Variants in PTPN4 observed in about 807,000 individuals in gnomAD.
PTPN4 encodes protein tyrosine phosphatase non-receptor type 4, also known as tyrosine-protein phosphatase non-receptor type 4.
A neutral mutation model predicts 135.5 loss-of-function variants in PTPN4; 49 were observed. The ratio of observed to expected loss-of-function variants is 0.36; its 90% CI spans 0.29 to 0.46. The LOEUF is 0.46. Among genes scored for constraint, PTPN4 ranks in the 20% least tolerant of loss-of-function variants. PTPN4 has a pLI of 1.00. For missense variants in PTPN4, 860 were observed against 1,101.0 expected (o/e 0.78, Z 3.10); for synonymous variants, 333 against 369.9 (o/e 0.90, Z 1.14).
chr2:119,821,033 T>A (rs1484207225), intron 2 of PTPN4, among the ~76,000 whole-genome samples: 1 of 151,842 alleles, frequency 6.6e-6, no homozygotes, highest in East Asian at 1.9e-4. Flanking sequence ...CTCTTAAATA[T>A]TATTCCTAGT....
chr2:119,896,077 C>A (rs899407988), intron 9 of PTPN4, among the ~76,000 whole-genome samples: 1 of 152,128 alleles, frequency 6.6e-6, no homozygotes, highest in Non-Finnish European at 1.5e-5. Context: ...AAATAAAACA[C>A]AGACAGGTAT....
intron 9 of PTPN4, among the ~76,000 whole-genome samples, chr2:119,892,601 T>C (rs13416801): frequency 6.6e-6 from 1 of 152,144 alleles, no homozygotes; most frequent in African/African-American, 2.4e-5. Context: ...ATAGTGTATA[T>C]AGCAGTTCAA....
intron 26 of PTPN4, 133 bp downstream of exon 26, chr2:119,968,105 C>T: frequency 4.0e-6 from 3 of 746,406 alleles, no homozygotes; most frequent in Non-Finnish European, 5.9e-6. Context: ...ACCTCTAGCA[C>T]AGGGGTAAGC....
chr2:119,958,899 A>G (rs1309474043), intron 22 of PTPN4, among the ~76,000 whole-genome samples: 1 of 152,210 alleles, frequency 6.6e-6, no homozygotes, highest in Non-Finnish European at 1.5e-5. Context: ...AACACTAGTC[A>G]GCACTTTAAA....
intron 2 of PTPN4, among the ~76,000 whole-genome samples, chr2:119,849,754 CA>C (rs1435906029): frequency 6.6e-6 from 1 of 152,218 alleles, no homozygotes; most frequent in Non-Finnish European, 1.5e-5. Context: ...CAGCATTAGG[CA>C]TTCTCACAGT....
At chr2:119,881,931 TAAG>T (rs1026078059) in intron 6 of PTPN4, 101 bp downstream of exon 6, 29 of 1,095,682 alleles carry the variant, frequency 2.6e-5, no homozygotes, top group African/African-American at 1.6e-4. Context: ...ACAAATTATT[TAAG>T]AAGGTTACAT....
intron 2 of PTPN4, among the ~76,000 whole-genome samples, chr2:119,818,808 A>G (rs538856038): frequency 1.0e-3 from 159 of 152,192 alleles, no homozygotes; most frequent in Admixed American, 2.4e-3. Flanking sequence ...GGTCTGTTTC[A>G]CCTTTGTTCT....
At chr2:119,953,554 G>A (rs1408734468) in intron 19 of PTPN4, among the ~76,000 whole-genome samples, 2 of 152,010 alleles carry the variant, frequency 1.3e-5, no homozygotes, top group African/African-American at 4.8e-5. Context: ...TGAGTCATTA[G>A]GTGTTTTCTG....
intron 2 of PTPN4, among the ~76,000 whole-genome samples, chr2:119,844,392 C>T (rs1439123994): frequency 2.0e-5 from 3 of 146,420 alleles, no homozygotes; most frequent in Admixed American, 1.3e-4. Flanking sequence ...GGCTGCCGGG[C>T]GGAGACACTC....
At chr2:119,775,649 A>G (rs1009180116) in intron 1 of PTPN4, among the ~76,000 whole-genome samples, 8 of 152,174 alleles carry the variant, frequency 5.3e-5, no homozygotes, top group African/African-American at 9.7e-5. Context: ...GGATTACAGT[A>G]TTGAAGATGC....
chr2:119,765,934 G>GTGTGTGTGTGTGTGTGAAATAT (rs1553430618), intron 1 of PTPN4, among the ~76,000 whole-genome samples: 1 of 74,054 alleles, frequency 1.4e-5, no homozygotes, highest in South Asian at 5.1e-4. Context: ...GTGTGTGTGT[G>GTGTGTGTGTGTGTGTGAAATAT]CGCGCGCGCA....
At chr2:119,844,491 T>C (rs1677452187) in intron 2 of PTPN4, among the ~76,000 whole-genome samples, 1 of 137,338 alleles carries the variant, frequency 7.3e-6, no homozygotes. Context: ...TCCTCACTTC[T>C]CAGACGGGGT....
intron 18 of PTPN4, among the ~76,000 whole-genome samples, chr2:119,949,510 C>T (rs1176069949): frequency 6.6e-6 from 1 of 152,038 alleles, no homozygotes. Context: ...GTTTGATAAT[C>T]TTAGCCAAAA....
chr2:119,957,723 C>T (rs1036276760), intron 22 of PTPN4, among the ~76,000 whole-genome samples: 4 of 151,986 alleles, frequency 2.6e-5, no homozygotes, highest in African/African-American at 9.7e-5. Flanking sequence ...CCTTCATGTA[C>T]ACATCACTCA....
rs1262659403 is a variant in PTPN4 at position 119,982,228 on chromosome 2, AT to A, written c.*5159del. 1 of 152,180 alleles carries A rather than the reference AT, an allele frequency of 6.6e-6. No homozygotes were observed. Among genetic ancestry groups the A allele is most frequent in the Admixed American group, 6.5e-5 (1 of 15,270 alleles). 9.4% of individuals were successfully genotyped at this position (152,180 alleles called of 1,614,324 possible). On this transcript the variant is annotated 3_prime_UTR_variant, in exon 27 of 27. Coordinates refer to ENST00000263708, the MANE Select transcript of PTPN4 (RefSeq NM_002830.4). ...TTCCTACCTTTGTTGTGTAAAGGAT[AT>A]AGAAAATATTTTTCTATGGACAGAA...
At chr2:119,906,087 C>A (rs762917696) in intron 10 of PTPN4, among the ~76,000 whole-genome samples, 3 of 151,632 alleles carry the variant, frequency 2.0e-5, no homozygotes, top group Non-Finnish European at 4.4e-5. Flanking sequence ...CAAATTTAGT[C>A]GAAGAAAAAG....
intron 2 of PTPN4, among the ~76,000 whole-genome samples, chr2:119,839,567 T>A (rs2104969175): frequency 6.6e-6 from 1 of 152,324 alleles, no homozygotes; most frequent in African/African-American, 2.4e-5. Flanking sequence ...TTGGTTAGTT[T>A]ACATTTTAAA....
chr2:119,762,481 T>TA (rs1413809938), intron 1 of PTPN4, among the ~76,000 whole-genome samples: 4 of 152,136 alleles, frequency 2.6e-5, no homozygotes, highest in Admixed American at 2.6e-4. Context: ...ATTTATGACT[T>TA]ACAAACTCTA....
At chr2:119,814,116 G>C (rs966538706) in intron 2 of PTPN4, among the ~76,000 whole-genome samples, 1 of 152,022 alleles carries the variant, frequency 6.6e-6, no homozygotes, top group Non-Finnish European at 1.5e-5. Context: ...TGTAATTGGC[G>C]TATTCATTTA....
Sources: allele counts gnomAD v4.1 joint callset (sites outside exome capture counted in the v4.1 genomes callset), GRCh38; gene constraint gnomAD v4.1.1; transcripts MANE v1.5; gene names NCBI Gene and HGNC (gene_info 2026-07-23, HGNC 2026-07-21).